The following HSPA4L variants were observed in gnomAD, a reference collection of about 807,000 sequenced individuals.
The protein encoded by HSPA4L is heat shock protein family A (Hsp70) member 4 like.
HSPA4L carries 48 observed loss-of-function variants against 100.3 expected under a neutral mutation model. The observed-to-expected ratio is 0.48, with a 90% confidence interval of 0.38 to 0.61. The LOEUF is 0.61. Ranked by LOEUF, HSPA4L falls within the 20% of genes least tolerant of loss-of-function variation. The probability of loss-of-function intolerance (pLI) is 0.00; values close to 1 mark genes in which losing one functional copy is unlikely to be tolerated. For synonymous variants in HSPA4L, 319 were observed against 328.2 expected, an observed-to-expected ratio of 0.97 and a Z score of 0.30; for missense variants, 886 against 988.6, an observed-to-expected ratio of 0.90 and a Z score of 1.39.
At chr4:127,796,030 T>C (rs574573840) in intron 3 of HSPA4L, 122 bp downstream of exon 3, 12 of 783,276 alleles carry the variant, frequency 1.5e-5, no homozygotes, top group South Asian at 5.9e-5. Flanking sequence ...ACCGAAGAGA[T>C]AGTAGTTTTT....
intron 11 of HSPA4L, among the ~76,000 whole-genome samples, chr4:127,809,810 A>G (rs1245991817): frequency 6.6e-6 from 1 of 152,214 alleles, no homozygotes; most frequent in African/African-American, 2.4e-5. Context: ...GTAGATTTCC[A>G]AGAATCATTT....
chr4:127,820,665 C>T, intron 14 of HSPA4L, 100 bp downstream of exon 14: 1 of 1,073,648 alleles, frequency 9.3e-7, no homozygotes, highest in Non-Finnish European at 1.4e-6. Flanking sequence ...TAGTTTATAA[C>T]TCCTAAGGAA....
At chr4:127,823,356 C>G (rs1560669346) in intron 15 of HSPA4L, among the ~76,000 whole-genome samples, 161 bp from the exon 16 acceptor site, 2 of 152,098 alleles carry the variant, frequency 1.3e-5, no homozygotes. Flanking sequence ...GCCATATTGC[C>G]CAGGCTGGTC....
At position 127,805,195 on chromosome 4, in the gene HSPA4L, G is replaced by A. The variant is rs770100358; in HGVS notation, c.1108G>A (p.Glu370Lys). The change falls in exon 9 of 19, where the codon GAA becomes AAA. Residue 370 changes from glutamate (E) to lysine (K), a missense_variant. Physicochemically the swap from Glu to Lys is moderately conservative, Grantham distance 56. Transcript: ENST00000296464. ...CATAAGTACCACATTAAATGCTGAT[G>A]AAGCTGTTGCAAGAGGATGTGCGTT... is the stretch of plus-strand genomic sequence containing the variant. ...KDISTTLNAD[E>K]AVARGCALQC... The A allele has an allele frequency of 6.2e-7, 1 of 1,609,736 alleles. No homozygotes were observed. Among genetic ancestry groups the A allele is most frequent in the Admixed American group, 1.7e-5 (1 of 58,934 alleles).
chr4:127,794,794 T>C (rs1310098504), intron 2 of HSPA4L, among the ~76,000 whole-genome samples: 2 of 152,072 alleles, frequency 1.3e-5, no homozygotes, highest in Non-Finnish European at 1.5e-5. Context: ...TTTAAAGTCA[T>C]TTCTCCTAAG....
At chr4:127,825,155 C>T (rs925109155) in intron 16 of HSPA4L, among the ~76,000 whole-genome samples, 3 of 151,116 alleles carry the variant, frequency 2.0e-5, no homozygotes, top group African/African-American at 7.3e-5. Context: ...AAAAAAAACA[C>T]GTTTATATTG....
chr4:127,791,757 T>C (rs1422042334), intron 1 of HSPA4L, among the ~76,000 whole-genome samples: 1 of 152,206 alleles, frequency 6.6e-6, no homozygotes, highest in Non-Finnish European at 1.5e-5. Context: ...TTACTCTTCC[T>C]TAAAATCTTA....
chr4:127,822,821 A>C lies in HSPA4L; in HGVS notation c.1865A>C (p.Asn622Thr). 6.2e-7 allele frequency: 1 copy of C among 1,613,806 alleles called. No individual in the cohort carries two copies. The highest frequency in any genetic ancestry group is 2.2e-5 in the East Asian group (1 of 44,828). ...GAGAAAGAAAGAAATGATGCTAAGA[A>C]TGCCGTTGAAGAATATGTATATGAT... ...KLEKERNDAK[N>T]AVEEYVYDFR... Residue 622 changes from asparagine (N) to threonine (T), a missense_variant, in exon 15 of 19, where the codon AAT (asparagine) becomes ACT (threonine). By Grantham distance (65) the Asn-to-Thr change is moderately conservative. Transcript: ENST00000296464.
intron 8 of HSPA4L, 54 bp downstream of exon 8, chr4:127,804,141 C>T (rs893928209): frequency 2.8e-5 from 37 of 1,327,724 alleles, no homozygotes; most frequent in Admixed American, 5.9e-5. Flanking sequence ...GCCTACTTAG[C>T]GGGGGTAGAT....
intron 16 of HSPA4L, among the ~76,000 whole-genome samples, chr4:127,826,411 A>T (rs935050712): frequency 6.6e-6 from 1 of 152,160 alleles, no homozygotes; most frequent in Non-Finnish European, 1.5e-5. Context: ...GAAAAAAAAA[A>T]TGCAGTACTT....
At chr4:127,827,568 T>G in intron 17 of HSPA4L, 144 bp downstream of exon 17, 3 of 821,240 alleles carry the variant, frequency 3.7e-6, no homozygotes, top group Non-Finnish European at 5.5e-6. Context: ...TTAAAACTTT[T>G]TTTTTTATTG....
rs185712858 is a variant in HSPA4L at position 127,830,892 on chromosome 4, A to T, written c.2328+93A>T. The stretch of plus-strand genomic sequence containing the variant: ...TTGGCAAATAATCAACTTGCAGAAG[A>T]ACTTAGAACAGAAATTTAAGACTAA... On this transcript the variant is annotated intron_variant, in intron 18 of 18. Coordinates refer to ENST00000296464, the MANE Select transcript of HSPA4L (RefSeq NM_014278.4). 3.3e-4 allele frequency: 253 copies of T among 761,468 alleles called. No homozygotes were observed. The Middle Eastern group carries it at 4.4e-3, about 13-fold the overall frequency. The allele number at this position is 761,468 out of a possible 1,614,324, so 47.2% of individuals were successfully genotyped here. A position where few individuals can be genotyped will look rare whatever the true frequency, so the allele number is the denominator to read the frequency against.
intron 1 of HSPA4L, chr4:127,783,542 G>A: frequency 6.6e-7 from 1 of 1,516,604 alleles, no homozygotes; most frequent in Non-Finnish European, 8.8e-7. Flanking sequence ...TGTTTCTCTG[G>A]CCTGGGAAGT....
intron 1 of HSPA4L, among the ~76,000 whole-genome samples, chr4:127,790,518 C>T (rs966207699): frequency 6.6e-6 from 1 of 152,170 alleles, no homozygotes; most frequent in Non-Finnish European, 1.5e-5. Flanking sequence ...TCCTGCTATA[C>T]CCTTATTTTC....
At chr4:127,799,663 A>G (rs1733119900) in intron 4 of HSPA4L, among the ~76,000 whole-genome samples, 2 of 152,182 alleles carry the variant, frequency 1.3e-5, no homozygotes, top group Admixed American at 6.5e-5. Context: ...ATTTCTATTT[A>G]ATTATATTTT....
chr4:127,831,935 A>G (rs530029488), intron 18 of HSPA4L, among the ~76,000 whole-genome samples: 2 of 152,144 alleles, frequency 1.3e-5, no homozygotes, highest in South Asian at 2.1e-4. Context: ...AGTTTTGCCA[A>G]TAAGCTATAA....
At chr4:127,830,140 C>A (rs1734042551) in intron 17 of HSPA4L, among the ~76,000 whole-genome samples, 1 of 152,058 alleles carries the variant, frequency 6.6e-6, no homozygotes, top group Non-Finnish European at 1.5e-5. Flanking sequence ...ATGTTCATTG[C>A]CATTTCTTTG....
intron 1 of HSPA4L, among the ~76,000 whole-genome samples, chr4:127,790,851 A>G (rs1191482326): frequency 6.6e-6 from 1 of 152,242 alleles, no homozygotes; most frequent in Non-Finnish European, 1.5e-5. Context: ...AGAGCCAGGT[A>G]CAGTGGCTGA....
intron 1 of HSPA4L, among the ~76,000 whole-genome samples, chr4:127,791,856 A>G (rs1363875941): frequency 2.0e-5 from 3 of 152,166 alleles, no homozygotes; most frequent in Admixed American, 1.3e-4. Context: ...ACCTTCTGTT[A>G]TAGCACCTAG....
Sources: gnomAD v4.1 joint callset for allele counts (sites outside exome capture counted in the v4.1 genomes callset) on GRCh38, gnomAD v4.1.1 for gene constraint, MANE v1.5 for transcripts, NCBI Gene and HGNC (gene_info 2026-07-23, HGNC 2026-07-21) for gene names.